TTYH2: variants seen among roughly 807,000 people sequenced by gnomAD.
TTYH2 encodes the protein tweety family member 2.
Under a neutral mutation model 68.3 loss-of-function variants are expected in TTYH2, and 49 were observed. The observed-to-expected ratio is 0.72, with a 90% CI of 0.57 to 0.91. The LOEUF (loss-of-function observed/expected upper bound fraction) is 0.91, where lower values mean the gene tolerates loss of function less well. Ranked by LOEUF, TTYH2 falls within the 40% of genes least tolerant of loss-of-function variation. The pLI, the probability that TTYH2 is intolerant of heterozygous loss-of-function variation, is 0.00. For missense variants in TTYH2, 631 were observed against 700.4 expected (o/e 0.90, Z 1.12); for synonymous variants, 272 against 300.8 (o/e 0.90, Z 0.99).
rs981852801 is a variant in TTYH2 at position 74,219,382 on chromosome 17, C to G, written c.130-3103C>G. On this transcript the variant is annotated intron_variant, in intron 1 of 13. Transcript: ENST00000269346. The stretch of plus-strand genomic sequence containing the variant: ...CCAGCCTGGCGACAGAGCAAGACTC[C>G]GTGTCAAAAAAAAAAAAAAAAGAAT... Among the ~76,000 whole-genome samples the G allele has an allele frequency of 9.1e-5, 10 of 110,078 alleles. 1 individual carries two copies. In the African/African-American group the frequency reaches 9.2e-4, roughly 10 times the overall value. 72.2% of individuals were successfully genotyped at this position (110,078 alleles called of 152,430 possible). A position where few individuals can be genotyped will look rare whatever the true frequency, so the allele number is the denominator to read the frequency against.
In TTYH2 at chr17:74,248,927, G is replaced by A. The variant is rs944479050; in HGVS notation, c.805-84G>A. The A allele has an allele frequency of 2.5e-6, 4 of 1,600,218 alleles. No individual in the cohort carries two copies. In the African/African-American group the frequency reaches 4.0e-5, roughly 16 times the overall value. Reference sequence around the variant, plus strand: ...CCTGGGAGGGAGCTCAAGGGGCTGGGGTGATGGGCTCCCGGCTCCTCCCAG... The same window carrying A: ...CCTGGGAGGGAGCTCAAGGGGCTGGAGTGATGGGCTCCCGGCTCCTCCCAG... On this transcript the variant is annotated intron_variant, in intron 6 of 13. Transcript: ENST00000269346.
Position 74,215,968 on chromosome 17 carries a change from C to G in TTYH2, c.129+2252C>G, listed in dbSNP as rs1293207022. Reference sequence around the variant, plus strand: ...ACACCAAGCAGTTTGAGGTGGGGCTCTGCCCTCCAGTTGGCTGGGGTGGAT... The same window carrying G: ...ACACCAAGCAGTTTGAGGTGGGGCTGTGCCCTCCAGTTGGCTGGGGTGGAT... On this transcript the variant is annotated intron_variant, in intron 1 of 13. Coordinates refer to ENST00000269346, the MANE Select transcript of TTYH2 (RefSeq NM_032646.6). This position sits in a 1 kb window ranked among gnomAD's most constrained non-coding sequence, Gnocchi z 4.3. Among the ~76,000 whole-genome samples, 1 of 152,262 alleles carries G rather than the reference C, an allele frequency of 6.6e-6. No individual in the cohort carries two copies. The highest frequency in any genetic ancestry group is 1.5e-5 in the Non-Finnish European group (1 of 68,050).
At chr17:74,227,434 C>T (rs926507147) in intron 2 of TTYH2, among the ~76,000 whole-genome samples, 7 of 152,144 alleles carry the variant, frequency 4.6e-5, no homozygotes, top group African/African-American at 1.7e-4. Flanking sequence ...AGGATGAACA[C>T]AAGGAGTCGA....
intron 1 of TTYH2, among the ~76,000 whole-genome samples, chr17:74,220,834 C>T (rs1335250135): frequency 1.3e-5 from 2 of 152,020 alleles, no homozygotes; most frequent in African/African-American, 4.8e-5. Flanking sequence ...TCACCCAGGC[C>T]GGAGTGCAGT....
At chr17:74,250,539 A>C (rs756388556) in intron 10 of TTYH2, 182 bp downstream of exon 10, 11 of 595,060 alleles carry the variant, frequency 1.8e-5, no homozygotes, top group Non-Finnish European at 3.0e-5. Flanking sequence ...GGGCTGAGAC[A>C]GGGAGACTCA....
Position 74,250,039 on chromosome 17 carries a change from T to C in TTYH2, c.1023+11T>C. On this transcript the variant is annotated intron_variant, in intron 9 of 13. Transcript: ENST00000269346. ...TTCTCCACTGCAGAGGTAAGGCAGC[T>C]GTGCAGGAAGAGGGGAGCCCCAGAT... 1.2e-6 allele frequency: 2 copies of C among 1,613,952 alleles called. No individual in the cohort carries two copies. Among genetic ancestry groups the C allele is most frequent in the Non-Finnish European group, 1.7e-6 (2 of 1,179,868 alleles).
intron 6 of TTYH2, among the ~76,000 whole-genome samples, chr17:74,245,702 A>T (rs1295571767): frequency 6.6e-6 from 1 of 152,132 alleles, no homozygotes; most frequent in Non-Finnish European, 1.5e-5. Context: ...TGGGCTTTTG[A>T]CGGGCTGGAG....
chr17:74,251,339 GTGTGTGTGGTGCA>G (rs990169932), intron 10 of TTYH2, among the ~76,000 whole-genome samples: 10 of 120,756 alleles, frequency 8.3e-5, no homozygotes, highest in East Asian at 2.0e-4. Context: ...CATGTATGTG[GTGTGTGTGGTGCA>G]TGTGTGTGTG....
intron 13 of TTYH2, among the ~76,000 whole-genome samples, chr17:74,258,352 G>A (rs574999376): frequency 6.6e-5 from 10 of 151,526 alleles, no homozygotes; most frequent in Admixed American, 3.3e-4. Context: ...TGCAACCTCC[G>A]CTCCCCAGGA....
At chr17:74,234,990 T>C (rs1227057615) in intron 3 of TTYH2, among the ~76,000 whole-genome samples, 2 of 152,214 alleles carry the variant, frequency 1.3e-5, no homozygotes, top group Non-Finnish European at 2.9e-5. Context: ...TCTTTTCCCC[T>C]GTGCTTCGGG....
chr17:74,215,004 G>A lies in TTYH2; in HGVS notation c.129+1288G>A, dbSNP rs1598209883. Among the ~76,000 whole-genome samples, 1 of 152,142 alleles carries A rather than the reference G, an allele frequency of 6.6e-6. No individual in the cohort carries two copies. Among genetic ancestry groups the A allele is most frequent in the African/African-American group, 2.4e-5 (1 of 41,424 alleles). On this transcript the variant is annotated intron_variant, in intron 1 of 13. Transcript: ENST00000269346. The surrounding 1 kb of genome is among the most constrained non-coding windows in gnomAD (Gnocchi z 4.3). The stretch of plus-strand genomic sequence containing the variant: ...CAGGACCCCTTCCTGGGGTTCAGTG[G>A]GCACTCAGGAGCAAGACGGCAGTCG...
At chr17:74,235,135 A>G (rs901825697) in intron 3 of TTYH2, among the ~76,000 whole-genome samples, 1 of 152,184 alleles carries the variant, frequency 6.6e-6, no homozygotes, top group African/African-American at 2.4e-5. Context: ...AAATGAAACA[A>G]AGAGAGCCAT....
At chr17:74,256,124 T>G (rs2050691563) in intron 13 of TTYH2, among the ~76,000 whole-genome samples, 1 of 152,148 alleles carries the variant, frequency 6.6e-6, no homozygotes. Flanking sequence ...CTGTAGAAAG[T>G]GCTACAAGGT....
At position 74,249,411 on chromosome 17, in the gene TTYH2, C is replaced by G; in HGVS notation, c.930+12C>G. Reference sequence around the variant, plus strand: ...GCCCCTTCCAGCAGGTATGGCCCCCCGAGGCCTGCCCTCACCCTGCCCACA... The same window carrying G: ...GCCCCTTCCAGCAGGTATGGCCCCCGGAGGCCTGCCCTCACCCTGCCCACA... On this transcript the variant is annotated intron_variant, in intron 8 of 13. Coordinates refer to ENST00000269346, the MANE Select transcript of TTYH2 (RefSeq NM_032646.6). The G allele has an allele frequency of 4.3e-6, 7 of 1,613,446 alleles. No homozygotes were observed. The highest frequency in any genetic ancestry group is 1.6e-4 in the Middle Eastern group (1 of 6,062).
rs1264499397 is a variant in TTYH2 at position 74,215,729 on chromosome 17, T to C, written c.129+2013T>C. On this transcript the variant is annotated intron_variant, in intron 1 of 13. Transcript: ENST00000269346. The surrounding 1 kb of genome is among the most constrained non-coding windows in gnomAD (Gnocchi z 4.3). ...CTGTTTTTGGTAAGTTCCCCTGTTGTGACCACAGGTCTCTCCTGGATGTCT... is the reference window on the plus strand; with the variant it reads ...CTGTTTTTGGTAAGTTCCCCTGTTGCGACCACAGGTCTCTCCTGGATGTCT... 1 of 1,534,680 alleles carries C rather than the reference T, an allele frequency of 6.5e-7. No individual in the cohort carries two copies. Among genetic ancestry groups the C allele is most frequent in the Non-Finnish European group, 8.7e-7 (1 of 1,145,966 alleles).
Position 74,222,390 on chromosome 17 carries a change from C to T in TTYH2, c.130-95C>T. The T allele has an allele frequency of 2.9e-6, 4 of 1,382,880 alleles. No individual in the cohort carries two copies. The highest frequency in any genetic ancestry group is 3.9e-6 in the Non-Finnish European group (4 of 1,025,976). 85.7% of individuals were successfully genotyped at this position (1,382,880 alleles called of 1,614,324 possible). A position where few individuals can be genotyped will look rare whatever the true frequency, so the allele number is the denominator to read the frequency against. On this transcript the variant is annotated intron_variant, in intron 1 of 13. Coordinates refer to ENST00000269346, the MANE Select transcript of TTYH2 (RefSeq NM_032646.6). The surrounding 1 kb of genome is among the most constrained non-coding windows in gnomAD (Gnocchi z 5.2). ...GGAAGGATGGACGAGAGATGCAGCTCAGGCAGTGGGGCACTCAGGGCCCAA... is the reference window on the plus strand; with the variant it reads ...GGAAGGATGGACGAGAGATGCAGCTTAGGCAGTGGGGCACTCAGGGCCCAA...
chr17:74,246,491 ATCG>A (rs1382533599), intron 6 of TTYH2, among the ~76,000 whole-genome samples: 3 of 150,424 alleles, frequency 2.0e-5, no homozygotes, highest in African/African-American at 5.0e-5. Context: ...CTGTGCATTC[ATCG>A]TCATCATGCT....
chr17:74,247,099 T>G (rs1216943505), intron 6 of TTYH2, among the ~76,000 whole-genome samples: 1 of 151,160 alleles, frequency 6.6e-6, no homozygotes, highest in Admixed American at 6.6e-5. Context: ...GGAGGATTGC[T>G]TGAACCCGGG....
intron 13 of TTYH2, chr17:74,256,769 C>T (rs2050697187): frequency 6.6e-6 from 1 of 152,264 alleles, no homozygotes; most frequent in Non-Finnish European, 1.5e-5. Flanking sequence ...ATGCCTCAGC[C>T]TCCCAAGTAC....
Sources: gnomAD v4.1 joint callset for allele counts (sites outside exome capture counted in the v4.1 genomes callset) on GRCh38, gnomAD v4.1.1 for gene constraint, Gnocchi (gnomAD v3.1) non-coding constraint, MANE v1.5 for transcripts, NCBI Gene and HGNC (gene_info 2026-07-23, HGNC 2026-07-21) for gene names.